Variants in UBR2 observed in about 807,000 individuals in gnomAD.
The protein encoded by UBR2 is E3 ubiquitin-protein ligase UBR2.
UBR2 carries 92 observed loss-of-function variants against 247.9 expected under a neutral mutation model. That is an observed-to-expected ratio of 0.37 (90% CI 0.31 to 0.44). The LOEUF (loss-of-function observed/expected upper bound fraction) is 0.44. UBR2 is among the 20% of genes least tolerant of loss of function. The probability of loss-of-function intolerance (pLI) is 1.00; values close to 1 mark genes in which losing one functional copy is unlikely to be tolerated. For synonymous variants in UBR2, 672 were observed against 693.5 expected (o/e 0.97, Z 0.49); for missense variants, 1,613 against 2,112.6 (o/e 0.76, Z 4.64).
rs995390029 is a variant in UBR2, at chr6:42,662,188, A to T, written c.3447A>T (p.Lys1149Asn). The T allele has an allele frequency of 3.8e-6, 6 of 1,598,586 alleles. No homozygotes were observed. In the African/African-American group the frequency reaches 8.1e-5, roughly 21 times the overall value. ...NRSKFIQDPE[K>N]YDPLFMHPDL... The stretch of plus-strand genomic sequence containing the variant: ...TTGTTTTGTTTTGTAATGCAGAAAA[A>T]TATGATCCATTATTCATGCACCCTG... Residue 1149 changes from lysine to asparagine, a missense_variant, in exon 31 of 47, where the codon AAA (lysine) becomes AAT (asparagine). By Grantham distance (94) the Lys-to-Asn change is moderately conservative (BLOSUM62 0). Around this residue, in one of 3 missense-constraint regions of UBR2, gnomAD observed 1,524 missense variants for 1,967.3 expected, o/e 0.77. Coordinates refer to ENST00000372901, the MANE Select transcript of UBR2 (RefSeq NM_001363705.2).
At chr6:42,667,815 A>G (rs1188425505) in intron 34 of UBR2, among the ~76,000 whole-genome samples, 1 of 140,786 alleles carries the variant, frequency 7.1e-6, no homozygotes, top group East Asian at 2.1e-4. Context: ...GCTGGAGTGC[A>G]GTGGCGTGAT....
chr6:42,649,653 GCTT>G (rs527813302), intron 22 of UBR2, among the ~76,000 whole-genome samples: 92 of 152,160 alleles, frequency 6.0e-4, no homozygotes, highest in African/African-American at 2.0e-3. Context: ...GTGAAGTTGA[GCTT>G]CTTTTCATGT....
In UBR2 at chr6:42,615,186, T is replaced by G. The variant is rs1317780134; in HGVS notation, c.1093+8T>G. 1 of 1,604,612 alleles carries G rather than the reference T, an allele frequency of 6.2e-7. No homozygotes were observed. The highest frequency in any genetic ancestry group is 1.3e-5 in the African/African-American group (1 of 74,670). ...ATTCCAAATTATGGAAAGGTGAATC[T>G]CTTAACTACTTTTAAGGTGTAGAGG... is the stretch of plus-strand genomic sequence containing the variant. On this transcript the variant is annotated splice_region_variant and intron_variant, in intron 9 of 46. Coordinates refer to ENST00000372901, the MANE Select transcript of UBR2 (RefSeq NM_001363705.2).
chr6:42,611,412 G>A (rs1176053623), intron 7 of UBR2, among the ~76,000 whole-genome samples: 1 of 149,262 alleles, frequency 6.7e-6, no homozygotes, highest in Non-Finnish European at 1.5e-5. Flanking sequence ...AGTGAGCAGA[G>A]ATTGTGCTAC....
At chr6:42,635,574 G>A in intron 14 of UBR2, 28 bp downstream of exon 14, 1 of 1,588,074 alleles carries the variant, frequency 6.3e-7, no homozygotes, top group Non-Finnish European at 8.6e-7. Flanking sequence ...GCGGGGAATA[G>A]GAGGAAAGTG....
intron 11 of UBR2, among the ~76,000 whole-genome samples, chr6:42,630,481 C>G (rs1333700048): frequency 1.3e-5 from 2 of 151,298 alleles, no homozygotes; most frequent in African/African-American, 4.9e-5. Context: ...CTGCACCCAG[C>G]CTATTTTTTT....
At chr6:42,564,549 C>T (rs1790665829) in intron 1 of UBR2, 152 bp downstream of exon 1, 4 of 792,812 alleles carry the variant, frequency 5.0e-6, no homozygotes, top group Non-Finnish European at 7.9e-6. Flanking sequence ...CCCGGGGAGG[C>T]CACCGATCCT....
At chr6:42,677,527 C>CA (rs1289552431) in intron 40 of UBR2, among the ~76,000 whole-genome samples, 1 of 152,176 alleles carries the variant, frequency 6.6e-6, no homozygotes, top group African/African-American at 2.4e-5. Flanking sequence ...CCTATAATCC[C>CA]AGCACTTTGG....
chr6:42,612,099 A>T, intron 7 of UBR2, 72 bp from the exon 8 acceptor site: 1 of 1,384,336 alleles, frequency 7.2e-7, no homozygotes, highest in Non-Finnish European at 9.6e-7. Context: ...TATTAAGTAA[A>T]AATAATAACT....
At chr6:42,612,123 A>G in intron 7 of UBR2, 48 bp from the exon 8 acceptor site, 1 of 1,458,276 alleles carries the variant, frequency 6.9e-7, no homozygotes. Flanking sequence ...TTCTGCCAAT[A>G]GAATAGCTTT....
intron 8 of UBR2, among the ~76,000 whole-genome samples, chr6:42,614,425 T>TACATACGTATGTATGTACGTACATAC (rs765557498): frequency 1.5e-4 from 1 of 6,874 alleles, no homozygotes; most frequent in Non-Finnish European, 3.2e-4. Context: ...CGTACGTACA[T>TACATACGTATGTATGTACGTACATAC]ATATATGTAT....
rs573161837 is a variant in UBR2, at chr6:42,668,476, G to A, written c.3882-1616G>A. The stretch of plus-strand genomic sequence containing the variant: ...TTTTTTTGAGACAGGTTCTCACTCT[G>A]TCATCCAGGCTAGAGTGCAGTGGCA... On this transcript the variant is annotated intron_variant, in intron 34 of 46. Transcript: ENST00000372901. Among the ~76,000 whole-genome samples the A allele has an allele frequency of 1.1e-3, 164 of 152,180 alleles. 1 individual carries two copies. The highest frequency in any genetic ancestry group is 3.7e-3 in the African/African-American group (153 of 41,532).
intron 10 of UBR2, 34 bp downstream of exon 10, chr6:42,616,124 A>C: frequency 1.4e-6 from 2 of 1,474,780 alleles, no homozygotes; most frequent in Non-Finnish European, 1.9e-6. Context: ...AATAGGTTAT[A>C]TATAGAGTAA....
chr6:42,682,344 C>T (rs990879386), intron 42 of UBR2, among the ~76,000 whole-genome samples: 2 of 151,560 alleles, frequency 1.3e-5, no homozygotes, highest in African/African-American at 4.9e-5. Flanking sequence ...GGTTGCACAA[C>T]AATATGAAGG....
At chr6:42,658,441 C>T in intron 28 of UBR2, 121 bp downstream of exon 28, 1 of 1,111,328 alleles carries the variant, frequency 9.0e-7, no homozygotes, top group Admixed American at 3.0e-5. Flanking sequence ...AGAAATATGC[C>T]ACTATTTATC....
Position 42,659,230 on chromosome 6 carries a change from T to G in UBR2, c.3242+406T>G, listed in dbSNP as rs955569334. On this transcript the variant is annotated intron_variant, in intron 29 of 46. Coordinates refer to ENST00000372901, the MANE Select transcript of UBR2 (RefSeq NM_001363705.2). The surrounding 1 kb of genome is among the most constrained non-coding windows in gnomAD (Gnocchi z 4.3). The stretch of plus-strand genomic sequence containing the variant: ...TACATTCCTGGCTGTGCGTGGTGGC[T>G]CACGCCTGTAATCCCAGCACTTCGG... Among the ~76,000 whole-genome samples the G allele has an allele frequency of 5.3e-5, 8 of 152,058 alleles. No homozygotes were observed. Among genetic ancestry groups the G allele is most frequent in the African/African-American group, 1.9e-4 (8 of 41,402 alleles).
chr6:42,653,363 G>A (rs929787190), intron 25 of UBR2, among the ~76,000 whole-genome samples: 3 of 152,152 alleles, frequency 2.0e-5, no homozygotes, highest in Admixed American at 6.5e-5. Context: ...GATTACATGC[G>A]TGAGCCACTA....
intron 15 of UBR2, among the ~76,000 whole-genome samples, chr6:42,639,754 A>G (rs1796310301): frequency 6.6e-6 from 1 of 152,226 alleles, no homozygotes; most frequent in African/African-American, 2.4e-5. Flanking sequence ...CTGGCATAAC[A>G]TGTATATAAA....
At chr6:42,592,365 A>G (rs1792723735) in intron 3 of UBR2, 136 bp downstream of exon 3, 4 of 580,438 alleles carry the variant, frequency 6.9e-6, no homozygotes, top group Admixed American at 3.8e-5. Flanking sequence ...TTTAAATACC[A>G]TTGGATATAG....
Sources: allele counts gnomAD v4.1 joint callset (sites outside exome capture counted in the v4.1 genomes callset), GRCh38; gene constraint gnomAD v4.1.1; regional missense constraint gnomAD v4.1.1; non-coding constraint Gnocchi (gnomAD v3.1); transcripts MANE v1.5; gene names NCBI Gene and HGNC (gene_info 2026-07-23, HGNC 2026-07-21).